The following NLGN1 variants were observed in gnomAD, a reference collection of about 807,000 sequenced individuals.
NLGN1 encodes neuroligin-1.
Under a neutral mutation model 65.5 loss-of-function variants are expected in NLGN1, and 12 were observed. That is an observed-to-expected ratio of 0.18 (90% CI 0.12 to 0.30). NLGN1 has a LOEUF of 0.30. NLGN1 is among the 10% of genes least tolerant of loss of function. The pLI, the probability that NLGN1 is intolerant of heterozygous loss-of-function variation, is 1.00. For missense variants in NLGN1, 750 were observed against 1,007.1 expected, an observed-to-expected ratio of 0.74 and a Z score of 3.46; for synonymous variants, 350 against 359.5, an observed-to-expected ratio of 0.97 and a Z score of 0.30.
At chr3:174,278,975 CAGATACAGT>C in exon 6 of NLGN1, 2 of 1,564,610 alleles carry the variant, frequency 1.3e-6, no homozygotes, top group Non-Finnish European at 1.7e-6. Context: ...TGCAATGTTT[CAGATACAGT>C]AGAGTTAGTG....
chr3:173,997,165 A>G (rs186910051), intron 4 of NLGN1, among the ~76,000 whole-genome samples: 375 of 152,224 alleles, frequency 2.5e-3, no homozygotes, highest in Non-Finnish European at 2.6e-3. Flanking sequence ...ACATTCAATA[A>G]TTTTTTGAAG....
At chr3:174,285,196 T>C (rs2152899433) in exon 7 of NLGN1, 1 of 151,592 alleles carries the variant, frequency 6.6e-6, no homozygotes, top group Middle Eastern at 3.4e-3. Context: ...CAGGATGAAA[T>C]GATGAATTGA....
chr3:174,141,508 A>G (rs1301295284), intron 4 of NLGN1, among the ~76,000 whole-genome samples: 1 of 152,234 alleles, frequency 6.6e-6, no homozygotes, highest in Non-Finnish European at 1.5e-5. Flanking sequence ...TGAACATACA[A>G]TGTTGAACAA....
chr3:173,820,167 A>G (rs184139957), intron 4 of NLGN1, among the ~76,000 whole-genome samples: 1 of 133,210 alleles, frequency 7.5e-6, no homozygotes, highest in Admixed American at 7.9e-5. Context: ...AGAGAGAGCG[A>G]GATTCAGTCT....
intron 4 of NLGN1, among the ~76,000 whole-genome samples, chr3:174,093,725 G>A (rs1009689638): frequency 2.5e-4 from 38 of 152,226 alleles, no homozygotes; most frequent in African/African-American, 8.9e-4. Flanking sequence ...ATTATTTTCT[G>A]CTAGTTGGTG....
chr3:173,580,921 C>T (rs1258276008), intron 2 of NLGN1, among the ~76,000 whole-genome samples: 1 of 35,888 alleles, frequency 2.8e-5, no homozygotes, highest in Non-Finnish European at 6.3e-5. Flanking sequence ...GTCAACTCTC[C>T]TATGATATAC....
chr3:173,857,730 G>A (rs1165602111), intron 4 of NLGN1, among the ~76,000 whole-genome samples: 1 of 149,484 alleles, frequency 6.7e-6, no homozygotes, highest in African/African-American at 2.5e-5. Flanking sequence ...CTATCCAAGA[G>A]CTCCAGAATC....
At chr3:174,118,529 T>C (rs1309460872) in intron 4 of NLGN1, among the ~76,000 whole-genome samples, 3 of 152,140 alleles carry the variant, frequency 2.0e-5, no homozygotes, top group African/African-American at 7.2e-5. Flanking sequence ...TTGCAATAAA[T>C]GTTAAGATTT....
rs183688447 is a variant in NLGN1, at chr3:173,688,670, A to G, written c.493+83579A>G. Reference sequence around the variant, plus strand: ...TCACGTGGTCTCTTACTTCAACTGGATGTATAAGAAAACTAATCTTGCTTT... The same window carrying G: ...TCACGTGGTCTCTTACTTCAACTGGGTGTATAAGAAAACTAATCTTGCTTT... On this transcript the variant is annotated intron_variant, in intron 3 of 6. Transcript: ENST00000457714. Among the ~76,000 whole-genome samples the G allele has an allele frequency of 6.6e-5, 10 of 152,310 alleles. No homozygotes were observed. In the East Asian group the frequency reaches 1.9e-3, roughly 29 times the overall value.
At chr3:173,839,315 T>G (rs773481471) in intron 4 of NLGN1, among the ~76,000 whole-genome samples, 1 of 152,172 alleles carries the variant, frequency 6.6e-6, no homozygotes, top group Non-Finnish European at 1.5e-5. Context: ...ATTGTCATAT[T>G]CTTAAACAAT....
At chr3:173,932,497 C>T (rs1433194862) in intron 4 of NLGN1, among the ~76,000 whole-genome samples, 1 of 136,884 alleles carries the variant, frequency 7.3e-6, no homozygotes, top group Non-Finnish European at 1.5e-5. Flanking sequence ...AAAGGAGGTG[C>T]ACATTATTTA....
chr3:173,697,862 A>G (rs1433972279), intron 3 of NLGN1, among the ~76,000 whole-genome samples: 10 of 151,976 alleles, frequency 6.6e-5, no homozygotes, highest in Non-Finnish European at 7.4e-5. Flanking sequence ...TATTATTTTT[A>G]TTACTATTCC....
At chr3:173,992,538 TA>T (rs2152414359) in intron 4 of NLGN1, among the ~76,000 whole-genome samples, 1 of 152,328 alleles carries the variant, frequency 6.6e-6, no homozygotes, top group African/African-American at 2.4e-5. Flanking sequence ...GTAACTGCCT[TA>T]AAAATCAAAC....
intron 1 of NLGN1, among the ~76,000 whole-genome samples, chr3:173,431,880 A>G (rs769386471): frequency 2.6e-5 from 4 of 151,918 alleles, no homozygotes; most frequent in African/African-American, 7.3e-5. Flanking sequence ...TGGTCTGCCT[A>G]TTTATATCTT....
intron 4 of NLGN1, among the ~76,000 whole-genome samples, chr3:173,881,935 ACTCT>A (rs978423718): frequency 1.7e-4 from 26 of 152,122 alleles, no homozygotes; most frequent in African/African-American, 6.0e-4. Context: ...CAGAAGAATC[ACTCT>A]CTATGACATC....
chr3:174,059,988 G>C (rs1300982947), intron 4 of NLGN1, among the ~76,000 whole-genome samples: 3 of 152,100 alleles, frequency 2.0e-5, no homozygotes, highest in Non-Finnish European at 2.9e-5. Flanking sequence ...TAAAGCTGCA[G>C]ATGAATTTGT....
At chr3:173,657,483 A>AT (rs911075691) in intron 3 of NLGN1, among the ~76,000 whole-genome samples, 11 of 151,474 alleles carry the variant, frequency 7.3e-5, no homozygotes, top group Non-Finnish European at 1.2e-4. Context: ...TTATTGTGAG[A>AT]TTTTTTCCTC....
chr3:174,285,558 C>T (rs1752014252), exon 7 of NLGN1: 1 of 151,538 alleles, frequency 6.6e-6, no homozygotes, highest in South Asian at 2.1e-4. Context: ...TAGCAACATA[C>T]ACTTCAAATT....
intron 2 of NLGN1, among the ~76,000 whole-genome samples, chr3:173,470,315 A>T (rs1015726420): frequency 6.6e-6 from 1 of 150,824 alleles, no homozygotes; most frequent in Non-Finnish European, 1.5e-5. Context: ...TGAACTGCTT[A>T]TGATTGCTAG....
Sources: gnomAD v4.1 joint callset for allele counts (sites outside exome capture counted in the v4.1 genomes callset) on GRCh38, gnomAD v4.1.1 for gene constraint, MANE v1.5 for transcripts, NCBI Gene and HGNC (gene_info 2026-07-23, HGNC 2026-07-21) for gene names.